Variants in SEMA3E observed in about 807,000 individuals in gnomAD.
SEMA3E encodes the protein semaphorin-3E.
In SEMA3E, 49 loss-of-function variants were observed where a neutral mutation model predicts 93.6. The ratio of observed to expected loss-of-function variants is 0.52; its 90% CI spans 0.42 to 0.66. The LOEUF (loss-of-function observed/expected upper bound fraction) is 0.66, where lower values mean the gene tolerates loss of function less well. Among genes scored for constraint, SEMA3E ranks in the 30% least tolerant of loss-of-function variants. The pLI, the probability that SEMA3E is intolerant of heterozygous loss-of-function variation, is 0.00. For synonymous variants in SEMA3E, 363 were observed against 330.7 expected (o/e 1.10, Z -1.06); for missense variants, 906 against 964.8 (o/e 0.94, Z 0.81).
At chr7:83,595,802 T>A (rs1792861341) in intron 1 of SEMA3E, among the ~76,000 whole-genome samples, 1 of 152,100 alleles carries the variant, frequency 6.6e-6, no homozygotes, top group South Asian at 2.1e-4. Context: ...TATGATTTGA[T>A]AAGTTACCCA....
chr7:83,405,838 G>T, intron 8 of SEMA3E, 107 bp downstream of exon 8: 1 of 881,050 alleles, frequency 1.1e-6, no homozygotes. Flanking sequence ...CTCTATGTTA[G>T]ATAGAGGTCA....
chr7:83,576,574 A>G (rs1428617034), intron 1 of SEMA3E, among the ~76,000 whole-genome samples: 1 of 152,154 alleles, frequency 6.6e-6, no homozygotes, highest in Admixed American at 6.5e-5. Flanking sequence ...TGTGTAAAAT[A>G]GGCTATGTCG....
intron 4 of SEMA3E, among the ~76,000 whole-genome samples, chr7:83,457,029 A>G (rs549630125): frequency 6.6e-6 from 1 of 152,172 alleles, no homozygotes; most frequent in Non-Finnish European, 1.5e-5. Context: ...GATACTATTA[A>G]CTATCATTTT....
At chr7:83,597,846 T>C (rs1009423887) in intron 1 of SEMA3E, among the ~76,000 whole-genome samples, 1 of 152,202 alleles carries the variant, frequency 6.6e-6, no homozygotes, top group African/African-American at 2.4e-5. Flanking sequence ...AGAACTTTTA[T>C]ATTTCATACT....
intron 1 of SEMA3E, among the ~76,000 whole-genome samples, chr7:83,505,787 G>A (rs979025791): frequency 6.6e-6 from 1 of 151,846 alleles, no homozygotes; most frequent in African/African-American, 2.4e-5. Context: ...ATGCCAAGGG[G>A]GGCAGATCAC....
At chr7:83,610,704 A>T (rs1229838588) in intron 1 of SEMA3E, among the ~76,000 whole-genome samples, 1 of 152,080 alleles carries the variant, frequency 6.6e-6, no homozygotes, top group Non-Finnish European at 1.5e-5. Flanking sequence ...AGAAGTGATT[A>T]AGCTAAAATG....
intron 1 of SEMA3E, among the ~76,000 whole-genome samples, chr7:83,593,266 C>CTG (rs750676242): frequency 0.28 from 31,906 of 113,704 alleles, 3,841 homozygotes; most frequent in African/African-American, 0.37. Context: ...CTCTGTCTCT[C>CTG]TCTCTCTCTC....
chr7:83,379,365 C>T (rs1418709059), intron 16 of SEMA3E, among the ~76,000 whole-genome samples: 3 of 151,664 alleles, frequency 2.0e-5, no homozygotes, highest in East Asian at 1.9e-4. Flanking sequence ...TAAATATGCA[C>T]CTGTAACCCC....
chr7:83,386,449 G>A (rs1411758708), intron 15 of SEMA3E, among the ~76,000 whole-genome samples: 4 of 152,070 alleles, frequency 2.6e-5, no homozygotes, highest in Non-Finnish European at 5.9e-5. Context: ...GCCTAAAGAT[G>A]AGATTTCCTC....
intron 1 of SEMA3E, among the ~76,000 whole-genome samples, chr7:83,538,140 G>T (rs9632704): frequency 0.043 from 6,471 of 152,176 alleles, 431 homozygotes; most frequent in African/African-American, 0.15. Context: ...CTTTTGGCTA[G>T]TATGAATAAT....
chr7:83,486,254 A>G (rs1772984335), intron 2 of SEMA3E, among the ~76,000 whole-genome samples: 1 of 152,080 alleles, frequency 6.6e-6, no homozygotes, highest in Non-Finnish European at 1.5e-5. Flanking sequence ...CCTGATTATC[A>G]TGACTGTGGA....
At chr7:83,401,614 T>C (rs1788235845) in intron 10 of SEMA3E, among the ~76,000 whole-genome samples, 1 of 152,104 alleles carries the variant, frequency 6.6e-6, no homozygotes, top group African/African-American at 2.4e-5. Flanking sequence ...TAAAATATAC[T>C]TTATGTCTTA....
At chr7:83,505,851 TA>T (rs1193659505) in intron 1 of SEMA3E, among the ~76,000 whole-genome samples, 1 of 151,246 alleles carries the variant, frequency 6.6e-6, no homozygotes, top group Non-Finnish European at 1.5e-5. Context: ...TCGTCTCTAT[TA>T]AAAATACAAA....
chr7:83,580,975 C>T (rs1792507793), intron 1 of SEMA3E, among the ~76,000 whole-genome samples: 1 of 151,774 alleles, frequency 6.6e-6, no homozygotes, highest in African/African-American at 2.4e-5. Context: ...AGATGATGAA[C>T]TAGGACTTTA....
intron 2 of SEMA3E, among the ~76,000 whole-genome samples, chr7:83,470,262 C>T (rs563567625): frequency 8.5e-5 from 13 of 152,208 alleles, no homozygotes; most frequent in South Asian, 6.2e-4. Flanking sequence ...AGACCACAAG[C>T]AGAAATCAGT....
Position 83,365,952 on chromosome 7 carries a change from T to A in SEMA3E, c.*1634A>T, listed in dbSNP as rs1385585563. The A allele has an allele frequency of 1.3e-5, 2 of 152,144 alleles. No homozygotes were observed. The highest frequency in any genetic ancestry group is 2.9e-5 in the Non-Finnish European group (2 of 67,988). 9.4% of individuals were successfully genotyped at this position (152,144 alleles called of 1,614,324 possible). A position where few individuals can be genotyped will look rare whatever the true frequency, so the allele number is the denominator to read the frequency against. ...ATTTAATGGCAGTAATGACCTCCAG[T>A]GGATTCTTGGGTAAATAGCAAGTGG... On this transcript the variant is annotated 3_prime_UTR_variant, in exon 17 of 17. Coordinates refer to ENST00000643230, the MANE Select transcript of SEMA3E (RefSeq NM_012431.3).
intron 2 of SEMA3E, among the ~76,000 whole-genome samples, chr7:83,478,236 A>C (rs1034079399): frequency 2.0e-5 from 3 of 152,134 alleles, no homozygotes; most frequent in Non-Finnish European, 4.4e-5. Context: ...TTTTAGCTTT[A>C]AATTATAGTA....
intron 4 of SEMA3E, among the ~76,000 whole-genome samples, chr7:83,429,196 T>A (rs542582851): frequency 2.0e-5 from 3 of 152,348 alleles, no homozygotes; most frequent in Admixed American, 6.5e-5. Flanking sequence ...CATTTTTTAA[T>A]AATTCAGCAC....
chr7:83,485,837 G>A (rs1378877136), intron 2 of SEMA3E, among the ~76,000 whole-genome samples: 2 of 152,092 alleles, frequency 1.3e-5, no homozygotes, highest in African/African-American at 4.8e-5. Context: ...TGGGAGCTGG[G>A]TTCAGAAGTA....
Sources: allele counts gnomAD v4.1 joint callset (sites outside exome capture counted in the v4.1 genomes callset), GRCh38; gene constraint gnomAD v4.1.1; transcripts MANE v1.5; gene names NCBI Gene and HGNC (gene_info 2026-07-23, HGNC 2026-07-21).